SPINK13: variants seen among roughly 807,000 people sequenced by gnomAD.
The protein encoded by SPINK13 is serine peptidase inhibitor Kazal type 13, also known as serine protease inhibitor Kazal-type 13.
In SPINK13, 11 loss-of-function variants were observed where a neutral mutation model predicts 11.0. The ratio of observed to expected loss-of-function variants is 1.00; its 90% CI spans 0.63 to 1.65. SPINK13 has a LOEUF of 1.65. Ranked by LOEUF, SPINK13 falls within the 40% of genes most tolerant of loss-of-function variation. The pLI, the probability that SPINK13 is intolerant of heterozygous loss-of-function variation, is 0.00. For missense variants in SPINK13, 113 were observed against 117.7 expected, an observed-to-expected ratio of 0.96 and a Z score of 0.19; for synonymous variants, 31 against 35.6, an observed-to-expected ratio of 0.87 and a Z score of 0.46.
At chr5:148,284,794 T>C (rs767621782) in intron 4 of SPINK13, among the ~76,000 whole-genome samples, 1 of 152,174 alleles carries the variant, frequency 6.6e-6, no homozygotes, top group Non-Finnish European at 1.5e-5. Flanking sequence ...AAAACAATGA[T>C]GAATCCAAGA....
At chr5:148,271,771 C>T (rs1012949138) in intron 2 of SPINK13, among the ~76,000 whole-genome samples, 2 of 152,090 alleles carry the variant, frequency 1.3e-5, no homozygotes, top group African/African-American at 4.8e-5. Flanking sequence ...ACTACAGGCG[C>T]CCGCCACCAC....
chr5:148,284,146 C>T (rs1283106254), intron 4 of SPINK13, among the ~76,000 whole-genome samples: 2 of 133,658 alleles, frequency 1.5e-5, no homozygotes, highest in East Asian at 5.2e-4. Flanking sequence ...TTCATCAATT[C>T]CTTCCTTCTT....
chr5:148,272,221 T>C (rs1438236851), intron 2 of SPINK13, among the ~76,000 whole-genome samples: 1 of 152,170 alleles, frequency 6.6e-6, no homozygotes, highest in Admixed American at 6.5e-5. Flanking sequence ...AGAGTTTCTC[T>C]TAGGTATATA....
intron 4 of SPINK13, among the ~76,000 whole-genome samples, chr5:148,284,637 T>A (rs1756564740): frequency 6.6e-6 from 1 of 152,194 alleles, no homozygotes; most frequent in African/African-American, 2.4e-5. Context: ...GCAAGAAGAA[T>A]AGTCCTAATG....
intron 3 of SPINK13, among the ~76,000 whole-genome samples, chr5:148,274,922 G>A (rs1756403011): frequency 6.6e-6 from 1 of 152,052 alleles, no homozygotes; most frequent in African/African-American, 2.4e-5. Context: ...ATATATCTCT[G>A]ATCATTAAGT....
intron 3 of SPINK13, among the ~76,000 whole-genome samples, chr5:148,274,647 A>T (rs960865674): frequency 6.6e-6 from 1 of 152,122 alleles, no homozygotes; most frequent in Non-Finnish European, 1.5e-5. Context: ...TGGGAGGTTG[A>T]GTTGGGAGGG....
chr5:148,274,272 T>C (rs891030943), intron 2 of SPINK13, 75 bp from the exon 3 acceptor site: 7 of 975,172 alleles, frequency 7.2e-6, no homozygotes, highest in Admixed American at 2.1e-5. Context: ...ATTCAATCAG[T>C]GACTTCAGTA....
chr5:148,283,924 C>A (rs1023258468), intron 4 of SPINK13, among the ~76,000 whole-genome samples: 15 of 152,256 alleles, frequency 9.9e-5, no homozygotes, highest in African/African-American at 3.6e-4. Context: ...CCGTGATCTG[C>A]CGGACTATTA....
chr5:148,280,436 T>C (rs1756495589), intron 3 of SPINK13, among the ~76,000 whole-genome samples: 2 of 152,190 alleles, frequency 1.3e-5, no homozygotes, highest in South Asian at 4.1e-4. Flanking sequence ...CTACCTTTGG[T>C]CTTTGATGTT....
At chr5:148,285,415 A>G (rs1295005558) in intron 4 of SPINK13, among the ~76,000 whole-genome samples, 2 of 152,330 alleles carry the variant, frequency 1.3e-5, no homozygotes, top group African/African-American at 4.8e-5. Context: ...CAATCTACAC[A>G]GTGCCAACTG....
At chr5:148,270,214 T>A in intron 2 of SPINK13, 72 bp downstream of exon 2, 1 of 1,508,658 alleles carries the variant, frequency 6.6e-7, no homozygotes, top group Non-Finnish European at 9.1e-7. Flanking sequence ...AACGAGTAAT[T>A]TTTTACTTTT....
At chr5:148,285,868 A>G (rs1756582040) in intron 4 of SPINK13, 132 bp from the exon 5 acceptor site, 8 of 496,050 alleles carry the variant, frequency 1.6e-5, no homozygotes, top group Non-Finnish European at 1.1e-5. Flanking sequence ...GAAAAAAAAA[A>G]AGAAGGATGT....
chr5:148,274,250 C>A (rs1204777717), intron 2 of SPINK13, 97 bp from the exon 3 acceptor site: 1 of 735,958 alleles, frequency 1.4e-6, no homozygotes, highest in Non-Finnish European at 2.2e-6. Context: ...TTTCATTATT[C>A]AATTTTACAT....
At chr5:148,271,479 C>G (rs1756349251) in intron 2 of SPINK13, among the ~76,000 whole-genome samples, 1 of 151,960 alleles carries the variant, frequency 6.6e-6, no homozygotes, top group Admixed American at 6.6e-5. Context: ...TATTTTTTCC[C>G]AAAATTCTTA....
intron 3 of SPINK13, among the ~76,000 whole-genome samples, chr5:148,276,928 T>A (rs541055083): frequency 3.2e-4 from 49 of 152,376 alleles, no homozygotes; most frequent in African/African-American, 1.1e-3. Context: ...TTTTTCGATT[T>A]GTTTGTATCC....
intron 4 of SPINK13, among the ~76,000 whole-genome samples, 163 bp from the exon 5 acceptor site, chr5:148,285,837 A>T (rs1443773970): frequency 6.6e-6 from 1 of 151,780 alleles, no homozygotes; most frequent in Non-Finnish European, 1.5e-5. Context: ...TGTACAAATT[A>T]TAGTGGTAAC....
At chr5:148,271,317 G>A (rs1201671024) in intron 2 of SPINK13, among the ~76,000 whole-genome samples, 1 of 152,064 alleles carries the variant, frequency 6.6e-6, no homozygotes, top group Non-Finnish European at 1.5e-5. Context: ...AAATTTCATT[G>A]GGTTCAATCA....
intron 3 of SPINK13, among the ~76,000 whole-genome samples, chr5:148,276,582 A>C (rs1225816040): frequency 6.6e-6 from 1 of 152,120 alleles, no homozygotes; most frequent in Non-Finnish European, 1.5e-5. Flanking sequence ...TATTTTTGTC[A>C]GGTTTGTCAA....
In SPINK13 at chr5:148,270,091, A is replaced by C; in HGVS notation, c.19A>C (p.Lys7Gln). The change falls in exon 2 of 5, where the codon AAG becomes CAG. Residue 7 changes from lysine (K) to glutamine (Q), a missense_variant. Physicochemically the swap from Lys to Gln is moderately conservative, Grantham distance 53 (BLOSUM62 1). Transcript: ENST00000398450. MAAFPHKIIFFLVCSTL... is the reference protein window; with the variant it reads MAAFPHQIIFFLVCSTL... ...AGATCAAATGGCTGCCTTTCCCCACAAGATTATATTTTTCCTGGTATGCTC... is the reference window on the plus strand; with the variant it reads ...AGATCAAATGGCTGCCTTTCCCCACCAGATTATATTTTTCCTGGTATGCTC... 6.2e-7 allele frequency: 1 copy of C among 1,614,090 alleles called. No homozygotes were observed.
Sources: gnomAD v4.1 joint callset for allele counts (sites outside exome capture counted in the v4.1 genomes callset) on GRCh38, gnomAD v4.1.1 for gene constraint, MANE v1.5 for transcripts, NCBI Gene and HGNC (gene_info 2026-07-23, HGNC 2026-07-21) for gene names.